The following WDFY3 variants were observed in gnomAD, a reference collection of about 807,000 sequenced individuals.
WDFY3 encodes the protein WD repeat and FYVE domain-containing protein 3.
In WDFY3, 66 loss-of-function variants were observed where a neutral mutation model predicts 409.6. The ratio of observed to expected loss-of-function variants is 0.16; its 90% CI spans 0.13 to 0.20. The LOEUF is 0.20. Ranked by LOEUF, WDFY3 falls within the 10% of genes least tolerant of loss-of-function variation. The probability of loss-of-function intolerance (pLI) is 1.00; values close to 1 mark genes in which losing one functional copy is unlikely to be tolerated. For synonymous variants in WDFY3, 1,521 were observed against 1,537.1 expected (o/e 0.99, Z 0.25); for missense variants, 3,031 against 4,298.1 (o/e 0.71, Z 8.24).
chr4:84,840,916 C>T (rs1578765843), intron 6 of WDFY3, among the ~76,000 whole-genome samples: 2 of 151,926 alleles, frequency 1.3e-5, no homozygotes, highest in Admixed American at 1.3e-4. Context: ...TACAACATAT[C>T]GAGATGGAAA....
intron 14 of WDFY3, chr4:84,809,093 T>C (rs1752035768): frequency 1.3e-5 from 2 of 152,176 alleles, no homozygotes; most frequent in Non-Finnish European, 2.9e-5. Flanking sequence ...CAATAACACT[T>C]GGGGCATAAA....
At chr4:84,687,332 G>A (rs983818617) in intron 62 of WDFY3, among the ~76,000 whole-genome samples, 2 of 151,930 alleles carry the variant, frequency 1.3e-5, no homozygotes, top group Non-Finnish European at 2.9e-5. Context: ...TAGTAGAGAC[G>A]GAGTTTCACC....
intron 16 of WDFY3, 150 bp downstream of exon 16, chr4:84,803,140 C>T (rs1750913933): frequency 3.8e-6 from 3 of 798,914 alleles, no homozygotes; most frequent in Non-Finnish European, 5.5e-6. Context: ...AAAGGTAACA[C>T]TCAAATAAAA....
At chr4:84,699,356 T>C (rs1730700924) in intron 56 of WDFY3, among the ~76,000 whole-genome samples, 1 of 152,226 alleles carries the variant, frequency 6.6e-6, no homozygotes. Flanking sequence ...GTAATGTTTT[T>C]GAGGTTCAAT....
At chr4:84,777,179 C>CA (rs1261153122) in intron 27 of WDFY3, among the ~76,000 whole-genome samples, 1 of 151,866 alleles carries the variant, frequency 6.6e-6, no homozygotes, top group Admixed American at 6.6e-5. Flanking sequence ...ATGCTAAGTT[C>CA]AGTTAAGGTG....
chr4:84,695,448 C>CGT (rs150816589), intron 58 of WDFY3, among the ~76,000 whole-genome samples: 59,433 of 135,752 alleles, frequency 0.44, 12,955 homozygotes, highest in African/African-American at 0.51. Flanking sequence ...ATTTGGGTCC[C>CGT]GTGTGTGTGT....
intron 3 of WDFY3, among the ~76,000 whole-genome samples, chr4:84,887,643 A>G (rs183488184): frequency 6.6e-6 from 1 of 152,328 alleles, no homozygotes; most frequent in Admixed American, 6.5e-5. Context: ...TTCCTACCAC[A>G]AAATGGTATG....
At chr4:84,838,857 G>A (rs1465936394) in intron 6 of WDFY3, among the ~76,000 whole-genome samples, 1 of 152,012 alleles carries the variant, frequency 6.6e-6, no homozygotes, top group Non-Finnish European at 1.5e-5. Context: ...ATTTTCAATA[G>A]CACTATATAT....
At chr4:84,675,253 G>A (rs1378065928) in intron 67 of WDFY3, among the ~76,000 whole-genome samples, 2 of 151,846 alleles carry the variant, frequency 1.3e-5, no homozygotes, top group Non-Finnish European at 2.9e-5. Context: ...ACTGTGCCCG[G>A]TCCCATTATA....
chr4:84,957,268 AAAAAAAAC>A (rs1308871612), intron 1 of WDFY3, among the ~76,000 whole-genome samples: 1 of 151,708 alleles, frequency 6.6e-6, no homozygotes, highest in African/African-American at 2.4e-5. Flanking sequence ...CAAAAAAAAA[AAAAAAAAC>A]AAAACTACAA....
chr4:84,792,118 G>A (rs1748636357), intron 21 of WDFY3, among the ~76,000 whole-genome samples: 1 of 152,218 alleles, frequency 6.6e-6, no homozygotes, highest in South Asian at 2.1e-4. Flanking sequence ...ATATGAAGAA[G>A]AAAATGCAAA....
intron 2 of WDFY3, among the ~76,000 whole-genome samples, chr4:84,919,363 A>G (rs963727439): frequency 2.0e-5 from 3 of 152,184 alleles, no homozygotes; most frequent in Non-Finnish European, 2.9e-5. Context: ...GATTGATTCA[A>G]GCAAGTATCA....
intron 3 of WDFY3, among the ~76,000 whole-genome samples, chr4:84,879,730 T>C (rs1763242090): frequency 6.6e-6 from 1 of 151,434 alleles, no homozygotes; most frequent in African/African-American, 2.4e-5. Context: ...ACATCTATAA[T>C]GAACAAAAAA....
intron 6 of WDFY3, 90 bp from the exon 7 acceptor site, chr4:84,837,180 T>G: frequency 2.6e-6 from 3 of 1,133,304 alleles, no homozygotes; most frequent in Non-Finnish European, 3.5e-6. Flanking sequence ...CCAAAAATTA[T>G]ATATAAAGGT....
chr4:84,887,605 G>A (rs568563171), intron 3 of WDFY3, among the ~76,000 whole-genome samples: 22 of 152,258 alleles, frequency 1.4e-4, no homozygotes, highest in East Asian at 1.3e-3. Flanking sequence ...ACAATGCTAG[G>A]TATTTTCACA....
intron 62 of WDFY3, among the ~76,000 whole-genome samples, chr4:84,686,984 G>T (rs1728433037): frequency 6.6e-6 from 1 of 152,080 alleles, no homozygotes; most frequent in Non-Finnish European, 1.5e-5. Context: ...ATTTGTATAT[G>T]AACTATTTAT....
At chr4:84,903,563 G>A (rs926381274) in intron 2 of WDFY3, among the ~76,000 whole-genome samples, 10 of 151,980 alleles carry the variant, frequency 6.6e-5, no homozygotes, top group Admixed American at 3.3e-4. Flanking sequence ...CAAGTAATCC[G>A]CCTGCCTCAT....
At chr4:84,723,161 T>C (rs1018003701) in intron 46 of WDFY3, among the ~76,000 whole-genome samples, 1 of 152,220 alleles carries the variant, frequency 6.6e-6, no homozygotes, top group African/African-American at 2.4e-5. Context: ...ATAACTATGC[T>C]GGTGCAATGT....
intron 7 of WDFY3, among the ~76,000 whole-genome samples, chr4:84,836,575 C>T (rs895474507): frequency 6.6e-6 from 1 of 151,798 alleles, no homozygotes; most frequent in African/African-American, 2.4e-5. Flanking sequence ...TAAACAGCAA[C>T]TAGATAGAAT....
Sources: allele counts gnomAD v4.1 joint callset (sites outside exome capture counted in the v4.1 genomes callset), GRCh38; gene constraint gnomAD v4.1.1; transcripts MANE v1.5; gene names NCBI Gene and HGNC (gene_info 2026-07-23, HGNC 2026-07-21).